Variants in GPC6 observed in about 807,000 individuals in gnomAD.
GPC6 encodes glypican-6.
In GPC6, 14 loss-of-function variants were observed where a neutral mutation model predicts 55.2. That is an observed-to-expected ratio of 0.25 (90% CI 0.17 to 0.40). The LOEUF (loss-of-function observed/expected upper bound fraction) is 0.40. GPC6 is among the 10% of genes least tolerant of loss of function. The probability of loss-of-function intolerance (pLI) is 1.00; values close to 1 mark genes in which losing one functional copy is unlikely to be tolerated. For missense variants in GPC6, 641 were observed against 708.5 expected (o/e 0.90, Z 1.08); for synonymous variants, 278 against 259.6 (o/e 1.07, Z -0.68).
intron 3 of GPC6, among the ~76,000 whole-genome samples, chr13:93,860,373 A>G (rs1391592433): frequency 6.6e-6 from 1 of 151,698 alleles, no homozygotes; most frequent in African/African-American, 2.4e-5. Flanking sequence ...AAGGAGGTAC[A>G]TTAAATTGTT....
chr13:93,957,361 C>T (rs1487900012), intron 3 of GPC6, among the ~76,000 whole-genome samples: 2 of 151,984 alleles, frequency 1.3e-5, no homozygotes, highest in African/African-American at 4.8e-5. Flanking sequence ...AGTTTTTGAA[C>T]CCATGCTCCC....
chr13:94,213,143 A>G (rs1027557814), intron 4 of GPC6, among the ~76,000 whole-genome samples: 1 of 152,142 alleles, frequency 6.6e-6, no homozygotes, highest in Non-Finnish European at 1.5e-5. Flanking sequence ...GTGACATAGC[A>G]AGACTGTGTC....
At chr13:93,820,786 G>T (rs1357748574) in intron 2 of GPC6, among the ~76,000 whole-genome samples, 2 of 151,734 alleles carry the variant, frequency 1.3e-5, no homozygotes, top group Non-Finnish European at 2.9e-5. Context: ...AAAAATTTAG[G>T]AGTGTCTCAC....
intron 4 of GPC6, among the ~76,000 whole-genome samples, chr13:94,232,815 G>A (rs1385882079): frequency 2.0e-5 from 3 of 152,030 alleles, no homozygotes; most frequent in Non-Finnish European, 1.5e-5. Context: ...CTGGGCCAAG[G>A]TGGAGGCCTT....
chr13:93,321,952 T>C (rs1879456740), intron 1 of GPC6, among the ~76,000 whole-genome samples: 1 of 152,148 alleles, frequency 6.6e-6, no homozygotes, highest in African/African-American at 2.4e-5. Context: ...AGTCTTCCTC[T>C]TCCTCCCTTC....
At chr13:94,372,439 A>C (rs1297076409) in intron 6 of GPC6, among the ~76,000 whole-genome samples, 1 of 152,196 alleles carries the variant, frequency 6.6e-6, no homozygotes, top group African/African-American at 2.4e-5. Flanking sequence ...TCCGAGTCAA[A>C]GAAAGGGGTG....
At chr13:94,233,905 C>T (rs531275708) in intron 4 of GPC6, among the ~76,000 whole-genome samples, 1 of 152,224 alleles carries the variant, frequency 6.6e-6, no homozygotes, top group Non-Finnish European at 1.5e-5. Flanking sequence ...CAGTTTCAGG[C>T]ATATGCTGAG....
At chr13:93,838,203 G>A (rs564343853) in intron 3 of GPC6, among the ~76,000 whole-genome samples, 8 of 152,160 alleles carry the variant, frequency 5.3e-5, no homozygotes, top group Non-Finnish European at 1.0e-4. Flanking sequence ...GGGATTCACA[G>A]TCTATCACGA....
intron 2 of GPC6, among the ~76,000 whole-genome samples, chr13:93,659,265 A>C (rs985295325): frequency 3.3e-5 from 5 of 151,824 alleles, no homozygotes; most frequent in African/African-American, 1.2e-4. Flanking sequence ...TGTTATTTCT[A>C]ATGTATGACC....
chr13:93,916,650 A>C (rs917161099), intron 3 of GPC6, among the ~76,000 whole-genome samples: 1 of 152,132 alleles, frequency 6.6e-6, no homozygotes, highest in Non-Finnish European at 1.5e-5. Flanking sequence ...GCTGGCAAAA[A>C]CTAGAAGAGG....
intron 1 of GPC6, among the ~76,000 whole-genome samples, chr13:93,284,593 T>C (rs1023159895): frequency 2.0e-5 from 3 of 152,214 alleles, no homozygotes; most frequent in African/African-American, 7.2e-5. Context: ...GCTGTTTATA[T>C]AGAGCATTTG....
At chr13:94,337,673 C>T (rs1279144338) in intron 6 of GPC6, among the ~76,000 whole-genome samples, 1 of 152,112 alleles carries the variant, frequency 6.6e-6, no homozygotes, top group Non-Finnish European at 1.5e-5. Flanking sequence ...GTCTTGATCT[C>T]CCGACCTCAA....
At chr13:94,056,973 T>C (rs1309755661) in intron 4 of GPC6, among the ~76,000 whole-genome samples, 2 of 152,210 alleles carry the variant, frequency 1.3e-5, no homozygotes, top group Non-Finnish European at 2.9e-5. Context: ...TCTTATCATT[T>C]TGTTGCATTT....
intron 2 of GPC6, among the ~76,000 whole-genome samples, chr13:93,799,619 G>T (rs1367733946): frequency 1.3e-5 from 2 of 152,196 alleles, no homozygotes; most frequent in Admixed American, 6.6e-5. Context: ...CGGATCTGGG[G>T]TTAGACAACT....
intron 3 of GPC6, among the ~76,000 whole-genome samples, chr13:93,862,106 G>A (rs1023265395): frequency 1.3e-5 from 2 of 151,588 alleles, no homozygotes; most frequent in African/African-American, 4.8e-5. Context: ...GTGCAATTTG[G>A]TTTTCAGAAA....
At chr13:93,466,284 G>A (rs1165097912) in intron 1 of GPC6, among the ~76,000 whole-genome samples, 2 of 152,024 alleles carry the variant, frequency 1.3e-5, no homozygotes, top group Admixed American at 1.3e-4. Context: ...TGTATAAAGT[G>A]ATTCATCTAG....
At chr13:93,318,666 T>C (rs773193468) in intron 1 of GPC6, among the ~76,000 whole-genome samples, 3 of 152,066 alleles carry the variant, frequency 2.0e-5, no homozygotes, top group Non-Finnish European at 4.4e-5. Context: ...AGAAGTTGCA[T>C]ACCTAGTGCT....
At chr13:93,821,365 G>A (rs1328772676) in intron 2 of GPC6, among the ~76,000 whole-genome samples, 1 of 152,142 alleles carries the variant, frequency 6.6e-6, no homozygotes, top group Non-Finnish European at 1.5e-5. Context: ...TTATAGGGAT[G>A]AGGGTCCTGA....
At chr13:93,362,134 T>C (rs1028582744) in intron 1 of GPC6, among the ~76,000 whole-genome samples, 3 of 152,208 alleles carry the variant, frequency 2.0e-5, no homozygotes, top group African/African-American at 7.2e-5. Context: ...AGTTCACCTC[T>C]ACATGCCACT....
Sources: gnomAD v4.1 joint callset for allele counts (sites outside exome capture counted in the v4.1 genomes callset) on GRCh38, gnomAD v4.1.1 for gene constraint, MANE v1.5 for transcripts, NCBI Gene and HGNC (gene_info 2026-07-23, HGNC 2026-07-21) for gene names.